The following CCNY variants were observed in gnomAD, a reference collection of about 807,000 sequenced individuals.
The protein encoded by CCNY is cyclin-Y.
Under a neutral mutation model 42.8 loss-of-function variants are expected in CCNY, and 19 were observed. The observed-to-expected ratio is 0.44, with a 90% CI of 0.31 to 0.65. The LOEUF (loss-of-function observed/expected upper bound fraction) is 0.65, where lower values mean the gene tolerates loss of function less well. Ranked by LOEUF, CCNY falls within the 30% of genes least tolerant of loss-of-function variation. The pLI is 0.07. For synonymous variants in CCNY, 165 were observed against 162.7 expected (o/e 1.01, Z -0.11); for missense variants, 370 against 437.3 (o/e 0.85, Z 1.37).
At chr10:35,332,445 ATTC>A (rs1347753627), upstream of CCNY, 2 of 152,186 alleles carry the variant, frequency 1.3e-5, no homozygotes, top group Admixed American at 6.5e-5. Context: ...AAGGTAGACT[ATTC>A]TTGATTGTTT....
At chr10:35,529,905 A>G in intron 5 of CCNY, 68 bp from the exon 6 acceptor site, 1 of 1,297,338 alleles carries the variant, frequency 7.7e-7, no homozygotes, top group South Asian at 1.3e-5. Context: ...ATTAAAATGT[A>G]TTTTTGTTTT....
At chr10:35,330,373 T>C (rs2135103935) in intron 3 of CCNY, among the ~76,000 whole-genome samples, 1 of 152,334 alleles carries the variant, frequency 6.6e-6, no homozygotes. Context: ...CTCCAGAGGC[T>C]GCCTACTGTA....
chr10:35,374,081 G>A (rs977254373), intron 1 of CCNY, among the ~76,000 whole-genome samples: 5 of 152,178 alleles, frequency 3.3e-5, no homozygotes, highest in African/African-American at 9.7e-5. Flanking sequence ...AGCTTACAGC[G>A]TTTTCCCAAT....
chr10:35,256,303 A>T (rs2095715434), intron 3 of CCNY, among the ~76,000 whole-genome samples: 2 of 151,668 alleles, frequency 1.3e-5, no homozygotes, highest in Admixed American at 1.3e-4. Context: ...TGTTTACTTG[A>T]TTTTTTTATA....
rs1028664845 is a variant in CCNY at position 35,441,514 on chromosome 10, C to T, written c.155-41890C>T. Among the ~76,000 whole-genome samples, 14 of 152,124 alleles carry T rather than the reference C, an allele frequency of 9.2e-5. 1 individual carries two copies. The highest frequency in any genetic ancestry group is 2.2e-4 in the African/African-American group (9 of 41,410). ...GGGCGCAGTGGCTGCGAGGCCGAGG[C>T]GGGAGGATCACTTGAGCTCAGGAGT... is the stretch of plus-strand genomic sequence containing the variant. On this transcript the variant is annotated intron_variant, in intron 1 of 9. Transcript: ENST00000374704.
intron 1 of CCNY, among the ~76,000 whole-genome samples, chr10:35,419,486 G>T (rs1291225191): frequency 1.3e-5 from 2 of 150,892 alleles, no homozygotes; most frequent in African/African-American, 4.9e-5. Flanking sequence ...GTGCTAGGGT[G>T]GTGGCCATGG....
chr10:35,550,165 C>T (rs1303129790), intron 7 of CCNY, among the ~76,000 whole-genome samples: 4 of 126,744 alleles, frequency 3.2e-5, no homozygotes, highest in African/African-American at 6.2e-5. Flanking sequence ...CCCTACAGTG[C>T]TCGTGACCCT....
chr10:35,552,363 G>A (rs1289560766), intron 7 of CCNY, among the ~76,000 whole-genome samples: 1 of 152,156 alleles, frequency 6.6e-6, no homozygotes, highest in Non-Finnish European at 1.5e-5. Context: ...GGAGAGGGAG[G>A]AAGTGGGGAA....
intron 1 of CCNY, among the ~76,000 whole-genome samples, chr10:35,423,241 G>A (rs1159522478): frequency 2.0e-5 from 3 of 152,082 alleles, no homozygotes; most frequent in Non-Finnish European, 2.9e-5. Flanking sequence ...TCAGGAGGCC[G>A]AGGCAGTTGG....
chr10:35,405,282 T>G (rs1326936892), intron 1 of CCNY, among the ~76,000 whole-genome samples: 2 of 151,484 alleles, frequency 1.3e-5, no homozygotes, highest in Non-Finnish European at 2.9e-5. Flanking sequence ...AGGATAAGGG[T>G]GATTAGGTTT....
chr10:35,348,139 G>A (rs1381990303), intron 1 of CCNY, among the ~76,000 whole-genome samples: 2 of 152,150 alleles, frequency 1.3e-5, no homozygotes, highest in East Asian at 1.9e-4. Context: ...GTGATGATAA[G>A]CAGTTTATAT....
At chr10:35,534,058 G>A (rs1402138338) in intron 7 of CCNY, among the ~76,000 whole-genome samples, 1 of 145,036 alleles carries the variant, frequency 6.9e-6, no homozygotes, top group Non-Finnish European at 1.5e-5. Flanking sequence ...GTCTCACTTT[G>A]TTGCTCAGGC....
intron 3 of CCNY, among the ~76,000 whole-genome samples, chr10:35,312,645 T>G (rs1228232516): frequency 6.6e-6 from 1 of 151,966 alleles, no homozygotes; most frequent in African/African-American, 2.4e-5. Flanking sequence ...CTGGGGTATG[T>G]GCCTCTGCCC....
At chr10:35,309,985 A>G (rs1589029162) in intron 3 of CCNY, among the ~76,000 whole-genome samples, 1 of 151,952 alleles carries the variant, frequency 6.6e-6, no homozygotes, top group East Asian at 1.9e-4. Context: ...TATTTTCAGT[A>G]GAGGCAGGGT....
intron 8 of CCNY, among the ~76,000 whole-genome samples, chr10:35,554,715 C>A (rs780951907): frequency 4.6e-5 from 7 of 152,150 alleles, no homozygotes; most frequent in Non-Finnish European, 1.0e-4. Context: ...GCCCCCCGAC[C>A]ATGACTAGGT....
At chr10:35,524,976 A>G (rs1032446373) in intron 4 of CCNY, among the ~76,000 whole-genome samples, 3 of 152,224 alleles carry the variant, frequency 2.0e-5, no homozygotes, top group Non-Finnish European at 4.4e-5. Context: ...GATTCCAATT[A>G]TAGGATGTAT....
At chr10:35,433,023 G>A (rs1474528042) in intron 1 of CCNY, among the ~76,000 whole-genome samples, 2 of 152,154 alleles carry the variant, frequency 1.3e-5, no homozygotes, top group Non-Finnish European at 2.9e-5. Context: ...GATTCTTGAT[G>A]TGCATATGAG....
Position 35,541,251 on chromosome 10 carries a change from A to G in CCNY, c.579+11008A>G, listed in dbSNP as rs147842647. 6.5e-3 allele frequency among the ~76,000 whole-genome samples: 986 copies of G among 152,236 alleles called. 13 individuals carry two copies. Among genetic ancestry groups the G allele is most frequent in the African/African-American group, 0.022 (930 of 41,550 alleles). ...TGTTTTAAATTAGTTTTAGATTTAC[A>G]TAAAAATTGTGAAGAAAGCAGAGTT... On this transcript the variant is annotated intron_variant, in intron 7 of 9. Transcript: ENST00000374704.
At position 35,514,447 on chromosome 10, in the gene CCNY, TTGTG is replaced by T. The variant is rs146909695; in HGVS notation, c.265-2073_265-2070del. Among the ~76,000 whole-genome samples, 343 of 152,218 alleles carry T rather than the reference TTGTG, an allele frequency of 2.3e-3. 2 individuals are homozygous for T. The highest frequency in any genetic ancestry group is 7.9e-3 in the African/African-American group (327 of 41,536). On this transcript the variant is annotated intron_variant, in intron 3 of 9. Coordinates refer to ENST00000374704, the MANE Select transcript of CCNY (RefSeq NM_145012.6). Reference sequence around the variant, plus strand: ...GTCCTCAGGCCAGGGCAGGGTCCCTTTGTGTGGCTGGCTTTGAGTTAACCCTCTG... The same window carrying T: ...GTCCTCAGGCCAGGGCAGGGTCCCTTTGGCTGGCTTTGAGTTAACCCTCTG...
Sources: gnomAD v4.1 joint callset for allele counts (sites outside exome capture counted in the v4.1 genomes callset) on GRCh38, gnomAD v4.1.1 for gene constraint, MANE v1.5 for transcripts, NCBI Gene and HGNC (gene_info 2026-07-23, HGNC 2026-07-21) for gene names.